CDH13: variants seen among roughly 807,000 people sequenced by gnomAD.
CDH13 encodes the protein cadherin 13.
In CDH13, 24 loss-of-function variants were observed where a neutral mutation model predicts 63.8. The observed-to-expected ratio is 0.38, with a 90% CI of 0.27 to 0.53. The LOEUF is 0.53. Among genes scored for constraint, CDH13 ranks in the 20% least tolerant of loss-of-function variants. CDH13 has a pLI of 0.85. For missense variants in CDH13, 1,049 were observed against 903.1 expected (o/e 1.16, Z -2.07); for synonymous variants, 503 against 355.3 (o/e 1.42, Z -4.67).
At chr16:82,961,348 G>T (rs553254118) in intron 2 of CDH13, among the ~76,000 whole-genome samples, 2 of 152,240 alleles carry the variant, frequency 1.3e-5, no homozygotes, top group South Asian at 2.1e-4. Flanking sequence ...CTAACCTATG[G>T]TTCTGGGGAA....
At chr16:82,674,591 G>A (rs761435978) in intron 1 of CDH13, among the ~76,000 whole-genome samples, 2 of 152,194 alleles carry the variant, frequency 1.3e-5, no homozygotes, top group African/African-American at 2.4e-5. Context: ...GATCAGGTAC[G>A]TGAAACCAGA....
intron 2 of CDH13, among the ~76,000 whole-genome samples, chr16:82,911,789 C>A (rs1463905939): frequency 6.6e-6 from 1 of 152,078 alleles, no homozygotes; most frequent in East Asian, 1.9e-4. Flanking sequence ...ATGCCCCAGG[C>A]TCCTGTCCTG....
chr16:82,694,486 G>C (rs1475663743), intron 1 of CDH13, among the ~76,000 whole-genome samples: 3 of 152,152 alleles, frequency 2.0e-5, no homozygotes, highest in Admixed American at 6.5e-5. Flanking sequence ...GCATGAGAAG[G>C]AGGCTGTTTT....
intron 10 of CDH13, among the ~76,000 whole-genome samples, chr16:83,740,963 G>A (rs1041923843): frequency 6.6e-6 from 1 of 152,318 alleles, no homozygotes; most frequent in Admixed American, 6.5e-5. Context: ...AGAAAATGCA[G>A]GTAGAAAGTC....
At chr16:83,652,754 C>G (rs6563960) in intron 8 of CDH13, among the ~76,000 whole-genome samples, 1 of 152,074 alleles carries the variant, frequency 6.6e-6, no homozygotes. Context: ...ATCCCCAGCG[C>G]CTGCAGCCTG....
chr16:83,674,822 G>A (rs1465989180), intron 9 of CDH13, among the ~76,000 whole-genome samples: 1 of 152,180 alleles, frequency 6.6e-6, no homozygotes, highest in Admixed American at 6.5e-5. Context: ...CCACCAGAAA[G>A]TTATTCTTTC....
At position 83,032,174 on chromosome 16, in the gene CDH13, G is replaced by A; in HGVS notation, c.322G>A (p.Glu108Lys). 6.2e-7 allele frequency: 1 copy of A among 1,613,748 alleles called. No homozygotes were observed. Among genetic ancestry groups the A allele is most frequent in the Non-Finnish European group, 8.5e-7 (1 of 1,179,754 alleles). ...GACCCCCCATGCGGAAGATATGGCA[G>A]AACTCGTGATTGTCGGGGGGAAAGA... Reference protein sequence around the residue: ...ARTPHAEDMAELVIVGGKDIQ... With the variant: ...ARTPHAEDMAKLVIVGGKDIQ... Residue 108 changes from glutamate (E) to lysine (K), a missense_variant, in exon 3 of 14, where the codon GAA becomes AAA. Physicochemically the swap from Glu to Lys is moderately conservative, Grantham distance 56. Transcript: ENST00000567109.
chr16:82,757,338 T>A (rs1052961404), intron 1 of CDH13, among the ~76,000 whole-genome samples: 1 of 152,196 alleles, frequency 6.6e-6, no homozygotes, highest in African/African-American at 2.4e-5. Flanking sequence ...TATTTGAACT[T>A]CTTACCCAAA....
intron 1 of CDH13, among the ~76,000 whole-genome samples, chr16:82,648,666 G>A (rs1053444603): frequency 1.3e-5 from 2 of 152,276 alleles, no homozygotes; most frequent in South Asian, 2.1e-4. Context: ...CATGCGTTGG[G>A]ATTCAGAGTT....
chr16:83,254,532 A>G (rs1021820678), intron 5 of CDH13, among the ~76,000 whole-genome samples: 59 of 152,310 alleles, frequency 3.9e-4, no homozygotes, highest in African/African-American at 1.4e-3. Context: ...CTCTATGGAC[A>G]GGATCCCCTG....
intron 6 of CDH13, among the ~76,000 whole-genome samples, chr16:83,411,704 A>G (rs2092128835): frequency 6.6e-6 from 1 of 152,128 alleles, no homozygotes; most frequent in Non-Finnish European, 1.5e-5. Context: ...TGTCCCTAGT[A>G]CACATTACAG....
chr16:83,381,994 C>T (rs796557476), intron 6 of CDH13, among the ~76,000 whole-genome samples: 21 of 152,282 alleles, frequency 1.4e-4, no homozygotes, highest in African/African-American at 3.4e-4. Context: ...GACACAGGAA[C>T]GACGAAAAAG....
rs114391865 is a variant in CDH13 at position 83,633,317 on chromosome 16, G to A, written c.1101+30723G>A. On this transcript the variant is annotated intron_variant, in intron 8 of 13. Coordinates refer to ENST00000567109, the MANE Select transcript of CDH13 (RefSeq NM_001257.5). Reference sequence around the variant, plus strand: ...CCATGAGGTGAATAAAGGTGGCACCGGTGTTCATTTTATTGGCTAAGAACC... The same window carrying A: ...CCATGAGGTGAATAAAGGTGGCACCAGTGTTCATTTTATTGGCTAAGAACC... Among the ~76,000 whole-genome samples the A allele has an allele frequency of 2.8e-3, 420 of 152,270 alleles. 2 individuals carry two copies. The highest frequency in any genetic ancestry group is 9.0e-3 in the African/African-American group (375 of 41,552).
intron 5 of CDH13, among the ~76,000 whole-genome samples, chr16:83,233,190 T>C (rs1023011517): frequency 2.0e-5 from 3 of 152,230 alleles, no homozygotes; most frequent in Admixed American, 2.0e-4. Flanking sequence ...AAATTGCTTT[T>C]CTTTCCCAGC....
chr16:82,966,221 C>T lies in CDH13; in HGVS notation c.158-65789C>T, dbSNP rs558189628. 2.4e-3 allele frequency among the ~76,000 whole-genome samples: 364 copies of T among 152,200 alleles called. 3 individuals are homozygous for T. The highest frequency in any genetic ancestry group is 0.017 in the Middle Eastern group (5 of 292). ...TGGAGTGCAGTGGTGCGATCTCGGC[C>T]CATGGCAACCTCCGCCTCCCGGGTT... is the stretch of plus-strand genomic sequence containing the variant. On this transcript the variant is annotated intron_variant, in intron 2 of 13. Transcript: ENST00000567109.
chr16:83,379,938 T>TATATAGAGAGAGAGAGAG, intron 6 of CDH13, among the ~76,000 whole-genome samples: 7 of 123,458 alleles, frequency 5.7e-5, no homozygotes, highest in African/African-American at 1.3e-4. Context: ...TATATATATA[T>TATATAGAGAGAGAGAGAG]AGAGAGAGAG....
intron 5 of CDH13, among the ~76,000 whole-genome samples, chr16:83,250,243 A>G (rs1398288214): frequency 1.3e-5 from 2 of 152,160 alleles, no homozygotes; most frequent in African/African-American, 4.8e-5. Context: ...ATGAGCATTC[A>G]AAAAAGTCAT....
At chr16:83,443,304 G>C (rs181380434) in intron 6 of CDH13, among the ~76,000 whole-genome samples, 3 of 152,160 alleles carry the variant, frequency 2.0e-5, no homozygotes, top group African/African-American at 7.2e-5. Context: ...AGGCCCTTCC[G>C]CAACAGGTGT....
chr16:83,484,012 C>A (rs116254549), intron 6 of CDH13, among the ~76,000 whole-genome samples: 1 of 152,120 alleles, frequency 6.6e-6, no homozygotes, highest in African/African-American at 2.4e-5. Context: ...TCTCACAGGG[C>A]AAAGAAGCTA....
Sources: allele counts gnomAD v4.1 joint callset (sites outside exome capture counted in the v4.1 genomes callset), GRCh38; gene constraint gnomAD v4.1.1; transcripts MANE v1.5; gene names NCBI Gene and HGNC (gene_info 2026-07-23, HGNC 2026-07-21).